MSS51: variants seen among roughly 807,000 people sequenced by gnomAD.
MSS51 encodes the protein MSS51 mitochondrial translational activator.
MSS51 carries 32 observed loss-of-function variants against 40.2 expected under a neutral mutation model. That is an observed-to-expected ratio of 0.80 (90% CI 0.60 to 1.07). The LOEUF is 1.07. Among genes scored for constraint, MSS51 ranks in the 50% least tolerant of loss-of-function variants. MSS51 has a pLI of 0.00. For synonymous variants in MSS51, 178 were observed against 214.2 expected (o/e 0.83, Z 1.48); for missense variants, 518 against 568.9 (o/e 0.91, Z 0.91).
At chr10:73,428,035 A>G in intron 2 of MSS51, 29 bp downstream of exon 2, 1 of 1,598,664 alleles carries the variant, frequency 6.3e-7, no homozygotes, top group Non-Finnish European at 8.6e-7. Flanking sequence ...GAGACAATAT[A>G]TCCCTTTTCC....
chr10:73,427,970 C>T, intron 2 of MSS51, 94 bp downstream of exon 2: 2 of 1,266,998 alleles, frequency 1.6e-6, no homozygotes, highest in Non-Finnish European at 2.2e-6. Context: ...ATTGCAAATA[C>T]TCCATATTCA....
rs367824535 is a variant in MSS51, at chr10:73,431,234, C to T, written c.-18+2279G>A. Among the ~76,000 whole-genome samples, 26 of 152,254 alleles carry T rather than the reference C, an allele frequency of 1.7e-4. No individual in the cohort carries two copies. The South Asian group carries it at 5.0e-3, about 29-fold the overall frequency. ...TGATGGTTGAACAATACCGTGAATACACTAAATGCCATTTAATTGCTCACT... is the reference window on the plus strand; with the variant it reads ...TGATGGTTGAACAATACCGTGAATATACTAAATGCCATTTAATTGCTCACT... On this transcript the variant is annotated intron_variant, in intron 1 of 6. Coordinates refer to ENST00000299432, the MANE Select transcript of MSS51 (RefSeq NM_001024593.2).
chr10:73,425,925 C>T lies in MSS51; in HGVS notation c.955G>A (p.Glu319Lys), dbSNP rs780920811. Residue 319 changes from glutamate to lysine, a missense_variant, in exon 5 of 7, where the codon GAA (glutamate) becomes AAA (lysine). Coordinates refer to ENST00000299432, the MANE Select transcript of MSS51 (RefSeq NM_001024593.2). The stretch of plus-strand genomic sequence containing the variant: ...GCACTAAGCTGAATTGTGCCAGGTT[C>T]CAGGGGTGAAGTTGAGGTGCTCTGT... ...FSQSTSTSPL[E>K]PGTIQLSAHR... The T allele has an allele frequency of 1.9e-6, 3 of 1,614,162 alleles. No homozygotes were observed. The highest frequency in any genetic ancestry group is 1.1e-5 in the South Asian group (1 of 91,084).
At chr10:73,427,539 C>T (rs766865325) in intron 3 of MSS51, 74 bp downstream of exon 3, 627 of 1,478,084 alleles carry the variant, frequency 4.2e-4, no homozygotes, top group Non-Finnish European at 5.4e-4. Context: ...GCTGGAATTA[C>T]AGGCATGAGT....
intron 5 of MSS51, 93 bp downstream of exon 5, chr10:73,425,718 A>C (rs1364210426): frequency 2.8e-6 from 3 of 1,079,654 alleles, no homozygotes; most frequent in Non-Finnish European, 4.0e-6. Flanking sequence ...GTGTTTAATG[A>C]GACCAAATGA....
Position 73,424,731 on chromosome 10 carries a change from A to C in MSS51, c.1205T>G (p.Leu402Arg), listed in dbSNP as rs780235340. 1 of 1,614,092 alleles carries C rather than the reference A, an allele frequency of 6.2e-7. No homozygotes were observed. Among genetic ancestry groups the C allele is most frequent in the South Asian group, 1.1e-5 (1 of 91,088 alleles). Residue 402 changes from leucine (L) to arginine (R), a missense_variant, in exon 7 of 7, where the codon CTG (leucine) becomes CGG (arginine). By Grantham distance (102) the Leu-to-Arg change is moderately radical (BLOSUM62 -2). Coordinates refer to ENST00000299432, the MANE Select transcript of MSS51 (RefSeq NM_001024593.2). ...LVSSLQILVE[L>R]DTHITAFGSN... ...CCCAAAGGCAGTGATGTGTGTATCC[A>C]GTTCCACCAGAATCTGCAAAGAGGA...
In MSS51 at chr10:73,428,054, G is replaced by A; in HGVS notation, c.221+10C>T. ...CAATATATCCCTTTTCCATAGAGCTGGTCACTCACTTATATTCTTCATAGC... is the reference window on the plus strand; with the variant it reads ...CAATATATCCCTTTTCCATAGAGCTAGTCACTCACTTATATTCTTCATAGC... On this transcript the variant is annotated intron_variant, in intron 2 of 6. Transcript: ENST00000299432. 1.9e-6 allele frequency: 3 copies of A among 1,611,524 alleles called. No homozygotes were observed. In the South Asian group the frequency reaches 3.3e-5, roughly 18 times the overall value.
intron 1 of MSS51, among the ~76,000 whole-genome samples, chr10:73,431,604 A>G (rs548377973): frequency 6.6e-6 from 1 of 152,280 alleles, no homozygotes; most frequent in East Asian, 1.9e-4. Context: ...ATCTTACAAC[A>G]TGACTCTTAA....
intron 1 of MSS51, among the ~76,000 whole-genome samples, chr10:73,431,847 G>A (rs1319655861): frequency 1.3e-5 from 2 of 152,118 alleles, no homozygotes; most frequent in Non-Finnish European, 2.9e-5. Context: ...TAGGGTTTAA[G>A]GGTCATGTCC....
Position 73,428,255 on chromosome 10 carries a change from G to C in MSS51, c.30C>G (p.His10Gln). The C allele has an allele frequency of 1.2e-6, 2 of 1,613,510 alleles. No individual in the cohort carries two copies. Among genetic ancestry groups the C allele is most frequent in the Non-Finnish European group, 1.7e-6 (2 of 1,179,556 alleles). The change falls in exon 2 of 7, where the codon CAC becomes CAG. Residue 10 changes from histidine (H) to glutamine (Q), a missense_variant. By Grantham distance (24) the His-to-Gln change is conservative. Transcript: ENST00000299432. MAPRSRRRR[H>Q]KKPPSSVAPI... ...GAGCCACTGATGAGGGAGGTTTCTTGTGCCTTCGTCGCCGGGACCGTGGAG... is the reference window on the plus strand; with the variant it reads ...GAGCCACTGATGAGGGAGGTTTCTTCTGCCTTCGTCGCCGGGACCGTGGAG...
rs754127668 is a variant in MSS51 at position 73,424,519 on chromosome 10, C to T, written c.*34G>A. The T allele has an allele frequency of 1.3e-6, 2 of 1,523,102 alleles. No homozygotes were observed. Among genetic ancestry groups the T allele is most frequent in the Non-Finnish European group, 1.8e-6 (2 of 1,098,472 alleles). The allele number at this position is 1,523,102 out of a possible 1,614,324, so 94.3% of individuals were successfully genotyped here. On this transcript the variant is annotated 3_prime_UTR_variant, in exon 7 of 7. Coordinates refer to ENST00000299432, the MANE Select transcript of MSS51 (RefSeq NM_001024593.2). ...ATTAGCAGGGTAATTTCATCACAAA[C>T]TCCCCGTTTTCCAGATGTCCAGTTA...
chr10:73,430,295 G>C (rs2056018732), intron 1 of MSS51, among the ~76,000 whole-genome samples: 1 of 152,058 alleles, frequency 6.6e-6, no homozygotes, highest in Non-Finnish European at 1.5e-5. Context: ...TGCATCAAAG[G>C]ATGCTAAACT....
rs1458119770 is a variant in MSS51, at chr10:73,423,792, A to T, written c.*761T>A. The T allele has an allele frequency of 6.6e-6, 1 of 152,334 alleles. No individual in the cohort carries two copies. The highest frequency in any genetic ancestry group is 2.1e-4 in the South Asian group (1 of 4,830). The allele number at this position is 152,334 out of a possible 1,614,324, so 9.4% of individuals were successfully genotyped here. On this transcript the variant is annotated 3_prime_UTR_variant, in exon 7 of 7. Coordinates refer to ENST00000299432, the MANE Select transcript of MSS51 (RefSeq NM_001024593.2). ...ACACTGTACCAATGCTTACAACCTC[A>T]TCCATGTTCCCAATGACTTCCCTGA...
In MSS51 at chr10:73,426,385, AAAG is replaced by A. The variant is rs747033187; in HGVS notation, c.503-11_503-9del. On this transcript the variant is annotated splice_polypyrimidine_tract_variant and intron_variant, in intron 4 of 6. Coordinates refer to ENST00000299432, the MANE Select transcript of MSS51 (RefSeq NM_001024593.2). ...AGGGTAGAACAAAATCACCTGTAGG[AAAG>A]AAGAAATAAGAAGTAACCTAATGCT... is the stretch of plus-strand genomic sequence containing the variant. 6.3e-7 allele frequency: 1 copy of A among 1,599,658 alleles called. No individual in the cohort carries two copies. Among genetic ancestry groups the A allele is most frequent in the Non-Finnish European group, 8.5e-7 (1 of 1,178,936 alleles).
rs771478296 is a variant in MSS51 at position 73,428,075 on chromosome 10, A to G, written c.210T>C (p.Tyr70=). The G allele has an allele frequency of 1.4e-5, 22 of 1,613,920 alleles. No homozygotes were observed. The African/African-American group carries it at 1.9e-4, about 14-fold the overall frequency. ...AGCTGGTCACTCACTTATATTCTTC[A>G]TAGCTTTTCATGTTCAGCTTTTGAA... ...LILQKLNMKS[Y]EEYKLVVDGG... is the part of the protein sequence containing the mutation. Residue 70 remains tyrosine (Y), a synonymous_variant, in exon 2 of 7, where the codon TAT becomes TAC. Transcript: ENST00000299432.
At position 73,427,700 on chromosome 10, in the gene MSS51, C is replaced by T. The variant is rs2055999602; in HGVS notation, c.290G>A (p.Arg97Lys). 2 of 1,614,210 alleles carry T rather than the reference C, an allele frequency of 1.2e-6. No individual in the cohort carries two copies. The highest frequency in any genetic ancestry group is 1.7e-6 in the Non-Finnish European group (2 of 1,180,028). The change falls in exon 3 of 7, where the codon AGG (arginine) becomes AAG (lysine). Residue 97 changes from arginine (R) to lysine (K), a missense_variant. Transcript: ENST00000299432. ...ACAGAATCGAAATGTGTCTTCCATC[C>T]TCTGGAACATTTCTTGAGGACATCG... ...GFRCPQEMFQ[R>K]MEDTFRFCAH...
chr10:73,424,820 T>A (rs1409524569), intron 6 of MSS51, 48 bp from the exon 7 acceptor site: 4 of 1,511,572 alleles, frequency 2.6e-6, no homozygotes, highest in Non-Finnish European at 3.7e-6. Context: ...GTGACAGAGA[T>A]AAAGGAAAAA....
chr10:73,425,661 CAAAA>C, intron 5 of MSS51, 146 bp downstream of exon 5: 6 of 411,090 alleles, frequency 1.5e-5, no homozygotes, highest in Non-Finnish European at 1.8e-5. Flanking sequence ...GACTCCGTCT[CAAAA>C]AAAAAAAAAG....
chr10:73,426,666 A>G lies in MSS51; in HGVS notation c.443T>C (p.Val148Ala). ...AGCCACAAGACGAAGCTCTTGACAA[A>G]CCCTCCTGTGTGCGGGCCAGTCTGA... ...QKSDWPAHRR[V>A]CQELRLVAVD... Residue 148 changes from valine (V) to alanine (A), a missense_variant, in exon 4 of 7, where the codon GTT (valine) becomes GCT (alanine). Val to Ala is a moderately conservative substitution (Grantham distance 64). Transcript: ENST00000299432. 6.2e-7 allele frequency: 1 copy of G among 1,613,950 alleles called. No homozygotes were observed. Among genetic ancestry groups the G allele is most frequent in the South Asian group, 1.1e-5 (1 of 91,050 alleles).
Sources: allele counts gnomAD v4.1 joint callset (sites outside exome capture counted in the v4.1 genomes callset), GRCh38; gene constraint gnomAD v4.1.1; transcripts MANE v1.5; gene names NCBI Gene and HGNC (gene_info 2026-07-23, HGNC 2026-07-21).